The following SLC30A8 variants were observed in gnomAD, a reference collection of about 807,000 sequenced individuals.
SLC30A8 encodes the protein solute carrier family 30 member 8, also known as proton-coupled zinc antiporter SLC30A8.
SLC30A8 carries 27 observed loss-of-function variants against 36.9 expected under a neutral mutation model. The ratio of observed to expected loss-of-function variants is 0.73; its 90% CI spans 0.54 to 1.01. The LOEUF (loss-of-function observed/expected upper bound fraction) is 1.01. SLC30A8 is among the 50% of genes least tolerant of loss of function. The pLI is 0.00. For missense variants in SLC30A8, 439 were observed against 452.0 expected (o/e 0.97, Z 0.26); for synonymous variants, 164 against 172.4 (o/e 0.95, Z 0.38).
At chr8:117,085,822 C>G (rs1818857052) in intron 2 of SLC30A8, among the ~76,000 whole-genome samples, 1 of 152,114 alleles carries the variant, frequency 6.6e-6, no homozygotes, top group African/African-American at 2.4e-5. Flanking sequence ...CTAGGGTAGT[C>G]TGATTCCAAA....
Position 117,135,190 on chromosome 8 carries a change from C to T in SLC30A8, c.-138C>T. The stretch of plus-strand genomic sequence containing the variant: ...CTACCAACAACACTGATGTAGGAAG[C>T]TCATTATTTTAATTTCTGGAGCCTT... On this transcript the variant is annotated 5_prime_UTR_variant, in exon 1 of 8. Transcript: ENST00000456015. 1.9e-6 allele frequency: 1 copy of T among 532,424 alleles called. No homozygotes were observed. The highest frequency in any genetic ancestry group is 3.9e-5 in the South Asian group (1 of 25,552). 33.0% of individuals were successfully genotyped at this position (532,424 alleles called of 1,614,324 possible). A position where few individuals can be genotyped will look rare whatever the true frequency, so the allele number is the denominator to read the frequency against.
chr8:117,083,241 CTA>C (rs966482948), intron 2 of SLC30A8, among the ~76,000 whole-genome samples: 2 of 152,160 alleles, frequency 1.3e-5, no homozygotes, highest in Non-Finnish European at 2.9e-5. Context: ...GTGGTGGATG[CTA>C]TGATATGCTG....
At position 117,161,852 on chromosome 8, in the gene SLC30A8, C is replaced by T; in HGVS notation, c.687C>T (p.Ile229=). Residue 229 remains isoleucine, a synonymous_variant, in exon 5 of 8, where the codon ATC becomes ATT. Coordinates refer to ENST00000456015, the MANE Select transcript of SLC30A8 (RefSeq NM_173851.3). ...CCCTTGGAGATCTATTTCAGAGTAT[C>T]AGTGTGCTAATTAGTGCACTTATTA... ...VHALGDLFQS[I]SVLISALIIY... 1.2e-6 allele frequency: 2 copies of T among 1,613,898 alleles called. No homozygotes were observed. Among genetic ancestry groups the T allele is most frequent in the Non-Finnish European group, 1.7e-6 (2 of 1,179,842 alleles).
At chr8:117,149,154 T>C (rs113114548) in intron 2 of SLC30A8, among the ~76,000 whole-genome samples, 342 of 152,356 alleles carry the variant, frequency 2.2e-3, no homozygotes, top group African/African-American at 8.0e-3. Context: ...AAGTGTTTTG[T>C]ATTATGTTAA....
intron 2 of SLC30A8, among the ~76,000 whole-genome samples, chr8:117,080,571 A>G (rs1488082263): frequency 6.6e-6 from 1 of 152,180 alleles, no homozygotes; most frequent in African/African-American, 2.4e-5. Context: ...CCAATTGTAG[A>G]TGAGAACATG....
intron 2 of SLC30A8, among the ~76,000 whole-genome samples, chr8:117,064,506 A>G (rs1416297042): frequency 6.6e-6 from 1 of 152,200 alleles, no homozygotes; most frequent in African/African-American, 2.4e-5. Context: ...GATCAACAAG[A>G]TATTACAGCG....
chr8:117,146,728 A>T, intron 1 of SLC30A8: 2 of 970,960 alleles, frequency 2.1e-6, no homozygotes, highest in South Asian at 2.1e-5. Context: ...TGACTGAATA[A>T]GAGTTTGACT....
intron 2 of SLC30A8, among the ~76,000 whole-genome samples, chr8:117,072,837 C>CTTTT (rs59816392): frequency 7.2e-6 from 1 of 139,758 alleles, no homozygotes; most frequent in African/African-American, 2.6e-5. Flanking sequence ...AATCCTACTA[C>CTTTT]TTTTTTTTTT....
intron 2 of SLC30A8, among the ~76,000 whole-genome samples, chr8:117,093,954 ACCAGCACTGGCGCTGGCTC>A (rs1819248356): frequency 6.6e-6 from 1 of 152,228 alleles, no homozygotes; most frequent in African/African-American, 2.4e-5. Flanking sequence ...AGCTCCACGG[ACCAGCACTGGCGCTGGCTC>A]CCTGCGAGGC....
chr8:117,085,067 A>G (rs1000924686), intron 2 of SLC30A8, among the ~76,000 whole-genome samples: 7 of 152,168 alleles, frequency 4.6e-5, no homozygotes, highest in African/African-American at 1.7e-4. Flanking sequence ...AGATAGGCAC[A>G]TAACAGAGAA....
At chr8:117,141,613 G>C (rs1015931827) in intron 1 of SLC30A8, among the ~76,000 whole-genome samples, 3 of 152,108 alleles carry the variant, frequency 2.0e-5, no homozygotes, top group Non-Finnish European at 4.4e-5. Context: ...AAGCTCTTTA[G>C]TGGTGATTTC....
intron 1 of SLC30A8, among the ~76,000 whole-genome samples, chr8:117,029,741 T>C (rs996175616): frequency 1.3e-5 from 2 of 152,202 alleles, no homozygotes; most frequent in African/African-American, 4.8e-5. Flanking sequence ...TGAGACAGTT[T>C]TTCTCCTGTA....
intron 1 of SLC30A8, among the ~76,000 whole-genome samples, chr8:117,020,534 C>A (rs2130722032): frequency 6.6e-6 from 1 of 152,052 alleles, no homozygotes; most frequent in South Asian, 2.1e-4. Flanking sequence ...GAATCTAGTT[C>A]TTACAAATAA....
At chr8:117,052,465 C>G (rs2130774390) in intron 2 of SLC30A8, among the ~76,000 whole-genome samples, 1 of 152,320 alleles carries the variant, frequency 6.6e-6, no homozygotes, top group East Asian at 1.9e-4. Flanking sequence ...TTTGTATCAG[C>G]ACAATACATT....
In SLC30A8 at chr8:117,087,287, G is replaced by A. The variant is rs139534214; in HGVS notation, c.-225-47993G>A. ...AGAGAGCCAGAACTTGATGCCCAAGGATGAGGTTAAATTATGAAGCAGATG... is the reference window on the plus strand; with the variant it reads ...AGAGAGCCAGAACTTGATGCCCAAGAATGAGGTTAAATTATGAAGCAGATG... On this transcript the variant is annotated intron_variant, in intron 2 of 10. Coordinates refer to the SLC30A8 transcript ENST00000427715. 4.6e-5 allele frequency among the ~76,000 whole-genome samples: 7 copies of A among 152,316 alleles called. No individual in the cohort carries two copies. The East Asian group carries it at 1.2e-3, about 25-fold the overall frequency.
At chr8:117,066,043 A>T (rs1184815181) in intron 2 of SLC30A8, among the ~76,000 whole-genome samples, 1 of 152,136 alleles carries the variant, frequency 6.6e-6, no homozygotes, top group Non-Finnish European at 1.5e-5. Flanking sequence ...TTGGTGGAAC[A>T]CACAGGAAGG....
At chr8:117,064,151 C>T (rs35105724) in intron 2 of SLC30A8, among the ~76,000 whole-genome samples, 15,667 of 152,026 alleles carry the variant, frequency 0.1, 952 homozygotes, top group East Asian at 0.14. Context: ...GCCATCATGC[C>T]TGGCTAATTT....
intron 2 of SLC30A8, among the ~76,000 whole-genome samples, chr8:117,113,503 T>C (rs2130883966): frequency 6.6e-6 from 1 of 152,298 alleles, no homozygotes; most frequent in East Asian, 1.9e-4. Context: ...TTGTAACATT[T>C]AAGATTTGGA....
At chr8:117,159,133 G>A (rs1822649590) in intron 4 of SLC30A8, among the ~76,000 whole-genome samples, 1 of 152,178 alleles carries the variant, frequency 6.6e-6, no homozygotes, top group Admixed American at 6.5e-5. Context: ...CCTCCACAAA[G>A]GATGCAGTCC....
Sources: gnomAD v4.1 joint callset for allele counts (sites outside exome capture counted in the v4.1 genomes callset) on GRCh38, gnomAD v4.1.1 for gene constraint, MANE v1.5 for transcripts, NCBI Gene and HGNC (gene_info 2026-07-23, HGNC 2026-07-21) for gene names.